The following APOH variants were observed in gnomAD, a reference collection of about 807,000 sequenced individuals.
The protein encoded by APOH is apolipoprotein H.
APOH carries 48 observed loss-of-function variants against 39.8 expected under a neutral mutation model. The observed-to-expected ratio is 1.21, with a 90% CI of 0.96 to 1.54. The LOEUF (loss-of-function observed/expected upper bound fraction) is 1.54, where lower values mean the gene tolerates loss of function less well. APOH is among the 40% of genes most tolerant of loss of function. APOH has a pLI of 0.00. For synonymous variants in APOH, 153 were observed against 151.1 expected, an observed-to-expected ratio of 1.01 and a Z score of -0.09; for missense variants, 415 against 421.2, an observed-to-expected ratio of 0.99 and a Z score of 0.13.
intron 4 of APOH, among the ~76,000 whole-genome samples, chr17:66,222,578 T>C (rs1253508542): frequency 6.9e-6 from 1 of 144,774 alleles, no homozygotes; most frequent in Non-Finnish European, 1.5e-5. Context: ...TTTTTTTTTT[T>C]TTTTTTTTTT....
chr17:66,225,941 C>A, intron 3 of APOH, 87 bp downstream of exon 3: 7 of 858,050 alleles, frequency 8.2e-6, no homozygotes, highest in Non-Finnish European at 1.1e-5. Context: ...AGGCTGAAAA[C>A]AAAATATAGA....
At chr17:66,226,162 G>A (rs573764122) in intron 2 of APOH, 38 bp from the exon 3 acceptor site, 4 of 1,438,608 alleles carry the variant, frequency 2.8e-6, no homozygotes, top group African/African-American at 1.4e-5. Flanking sequence ...TTTTCTTTGG[G>A]CTAAAAAAAA....
chr17:66,214,131 C>T (rs2073350593), intron 7 of APOH, among the ~76,000 whole-genome samples: 1 of 152,132 alleles, frequency 6.6e-6, no homozygotes, highest in African/African-American at 2.4e-5. Flanking sequence ...GCGATCTCGG[C>T]TCACTGCAAC....
chr17:66,227,291 A>G (rs920381694), intron 2 of APOH, among the ~76,000 whole-genome samples: 2 of 152,168 alleles, frequency 1.3e-5, no homozygotes, highest in African/African-American at 4.8e-5. Flanking sequence ...TTGCATGAAC[A>G]TGCATAACTT....
intron 2 of APOH, among the ~76,000 whole-genome samples, 189 bp downstream of exon 2, chr17:66,227,831 A>G (rs1423477384): frequency 1.3e-5 from 2 of 152,088 alleles, no homozygotes; most frequent in Non-Finnish European, 2.9e-5. Context: ...CTCTTCTATC[A>G]ATAGCACCTA....
At chr17:66,214,783 A>G in intron 6 of APOH, 133 bp from the exon 7 acceptor site, 1 of 698,388 alleles carries the variant, frequency 1.4e-6, no homozygotes, top group South Asian at 1.7e-5. Context: ...AAGAATATAT[A>G]TAGTAAGTAA....
rs138225887 is a variant in APOH, at chr17:66,228,037, T to C, written c.224A>G (p.Asn75Ser). ...TGACTTACGTGTACATTTCAGAGTG[T>C]TGATGGGCCACAGTCCTGTGAGAGG... is the stretch of plus-strand genomic sequence containing the variant. ...ICPLTGLWPI[N>S]TLKCTPRVCP... is the part of the protein sequence containing the mutation. Residue 75 changes from asparagine to serine, a missense_variant, in exon 2 of 8, where the codon AAC becomes AGC. Asn to Ser is a conservative substitution (Grantham distance 46). Transcript: ENST00000205948. The C allele has an allele frequency of 2.9e-3, 4,627 of 1,613,890 alleles. 219 individuals carry two copies. The Admixed American group carries it at 0.072, about 25-fold the overall frequency.
intron 6 of APOH, among the ~76,000 whole-genome samples, chr17:66,215,465 C>G (rs2073359401): frequency 6.6e-6 from 1 of 152,210 alleles, no homozygotes; most frequent in South Asian, 2.1e-4. Context: ...GTGCCTTACC[C>G]TCGCAAATCT....
At chr17:66,217,949 A>G (rs532679759) in intron 5 of APOH, among the ~76,000 whole-genome samples, 1 of 152,284 alleles carries the variant, frequency 6.6e-6, no homozygotes, top group South Asian at 2.1e-4. Context: ...ACTCAAAAAA[A>G]AAATAAGAAT....
chr17:66,223,720 G>A lies in APOH; in HGVS notation c.393C>T (p.Ser131=), dbSNP rs2073417300. ...SAKCTEEGKW[S]PELPVCAPII... Reference sequence around the variant, plus strand: ...TACGAGCACAGACAGGAAGCTCCGGGCTCCATTTTCCTTCCTCAGTGCACT... The same window carrying A: ...TACGAGCACAGACAGGAAGCTCCGGACTCCATTTTCCTTCCTCAGTGCACT... The change falls in exon 4 of 8, where the codon AGC becomes AGT. Residue 131 remains serine (S), a synonymous_variant. Transcript: ENST00000205948. 1 of 1,614,160 alleles carries A rather than the reference G, an allele frequency of 6.2e-7. No homozygotes were observed. The highest frequency in any genetic ancestry group is 8.5e-7 in the Non-Finnish European group (1 of 1,180,020).
At chr17:66,215,998 A>G (rs2146991654) in intron 6 of APOH, among the ~76,000 whole-genome samples, 1 of 152,078 alleles carries the variant, frequency 6.6e-6, no homozygotes, top group Non-Finnish European at 1.5e-5. Context: ...ACTCACTCGA[A>G]TGTGTGGTTG....
chr17:66,214,607 T>C lies in APOH; in HGVS notation c.828A>G (p.Gln276=). The C allele has an allele frequency of 6.2e-7, 1 of 1,614,028 alleles. No homozygotes were observed. Among genetic ancestry groups the C allele is most frequent in the Middle Eastern group, 1.6e-4 (1 of 6,062 alleles). Residue 276 remains glutamine (Q), a synonymous_variant, in exon 7 of 8, where the codon CAA becomes CAG. Coordinates refer to ENST00000205948, the MANE Select transcript of APOH (RefSeq NM_000042.3). ...VPVKKATVVY[Q]GERVKIQEKF... ...TTTCCTGAATCTTTACTCTCTCTCC[T>C]TGGTACACCACAGTGGCTTTTTTCA...
At chr17:66,219,173 CGTT>C (rs1598550985) in intron 5 of APOH, among the ~76,000 whole-genome samples, 1 of 151,892 alleles carries the variant, frequency 6.6e-6, no homozygotes, top group African/African-American at 2.4e-5. Flanking sequence ...TGCATGATAT[CGTT>C]GTTGTTATGT....
chr17:66,214,696 T>C, intron 6 of APOH, 46 bp from the exon 7 acceptor site: 1 of 1,523,414 alleles, frequency 6.6e-7, no homozygotes, highest in Non-Finnish European at 9.1e-7. Context: ...GTTCAGGAAG[T>C]CTTTCTGAAA....
chr17:66,216,483 CAA>C (rs10618003), intron 6 of APOH, among the ~76,000 whole-genome samples: 61,743 of 122,814 alleles, frequency 0.5, 14,697 homozygotes, highest in East Asian at 0.81. Context: ...GACTCCATCT[CAA>C]AAAAAAAAAA....
rs772826496 is a variant in APOH at position 66,214,504 on chromosome 17, C to T, written c.931G>A (p.Glu311Lys). The change falls in exon 7 of 8, where the codon GAG becomes AAG. Residue 311 changes from glutamate (E) to lysine (K), a missense_variant. This residue lies in a region of APOH where 120 missense variants were observed against 110.6 expected (regional missense o/e 1.08). Coordinates refer to ENST00000205948, the MANE Select transcript of APOH (RefSeq NM_000042.3). ...KNKEKKCSYTEDAQCIDGTIE... is the reference protein window; with the variant it reads ...KNKEKKCSYTKDAQCIDGTIE... ...GTGCCATCTATACACTGAGCATCCTCTGTATAGCTACACTTCTTTTCCTTA... is the reference window on the plus strand; with the variant it reads ...GTGCCATCTATACACTGAGCATCCTTTGTATAGCTACACTTCTTTTCCTTA... 1 of 1,614,152 alleles carries T rather than the reference C, an allele frequency of 6.2e-7. No individual in the cohort carries two copies. The highest frequency in any genetic ancestry group is 1.7e-5 in the Admixed American group (1 of 60,010).
Position 66,212,092 on chromosome 17 carries a change from A to C in APOH, c.*41T>G. ...TTCAATTAGGTTCCTTGGATGAACA[A>C]GAAACAAGTGTGACATTTTGTGTGG... is the stretch of plus-strand genomic sequence containing the variant. On this transcript the variant is annotated 3_prime_UTR_variant, in exon 8 of 8. Transcript: ENST00000205948. The C allele has an allele frequency of 6.5e-7, 1 of 1,550,020 alleles. No homozygotes were observed. The highest frequency in any genetic ancestry group is 8.9e-7 in the Non-Finnish European group (1 of 1,123,024).
chr17:66,227,068 G>A (rs931363392), intron 2 of APOH, among the ~76,000 whole-genome samples: 1 of 151,948 alleles, frequency 6.6e-6, no homozygotes, highest in Non-Finnish European at 1.5e-5. Flanking sequence ...ATTTTTAGTA[G>A]AGACGAGGTT....
chr17:66,212,163 T>C lies in APOH; in HGVS notation c.1008A>G (p.Lys336=), dbSNP rs1012505224. The change falls in exon 8 of 8, where the codon AAA becomes AAG. Residue 336 remains lysine, a synonymous_variant. Coordinates refer to ENST00000205948, the MANE Select transcript of APOH (RefSeq NM_000042.3). The part of the protein sequence containing the change: ...FKEHSSLAFW[K]TDASDVKPC ...ATGGCTTTACATCGGATGCATCAGT[T>C]TTCCAAAAAGCCAGAGAACTGTGTT... is the stretch of plus-strand genomic sequence containing the variant. The C allele has an allele frequency of 6.8e-6, 11 of 1,613,886 alleles. No individual in the cohort carries two copies. In the African/African-American group the frequency reaches 1.3e-4, roughly 20 times the overall value.
Sources: allele counts gnomAD v4.1 joint callset (sites outside exome capture counted in the v4.1 genomes callset), GRCh38; gene constraint gnomAD v4.1.1; regional missense constraint gnomAD v4.1.1; transcripts MANE v1.5; gene names NCBI Gene and HGNC (gene_info 2026-07-23, HGNC 2026-07-21).